APBB2: variants seen among roughly 807,000 people sequenced by gnomAD.
APBB2 encodes the protein Fe65-like 1.
In APBB2, 38 loss-of-function variants were observed where a neutral mutation model predicts 82.5. The observed-to-expected ratio is 0.46, with a 90% CI of 0.36 to 0.60. APBB2 has a LOEUF of 0.60. Among genes scored for constraint, APBB2 ranks in the 20% least tolerant of loss-of-function variants. APBB2 has a pLI of 0.00. For synonymous variants in APBB2, 341 were observed against 368.2 expected (o/e 0.93, Z 0.85); for missense variants, 772 against 972.3 (o/e 0.79, Z 2.74).
chr4:40,910,120 A>G (rs1357422980), intron 10 of APBB2, among the ~76,000 whole-genome samples: 1 of 95,320 alleles, frequency 1.0e-5, no homozygotes, highest in African/African-American at 3.7e-5. Flanking sequence ...ATGCCTGGCT[A>G]ATTTTTTTTT....
At chr4:40,863,317 A>G (rs1210600386) in intron 12 of APBB2, among the ~76,000 whole-genome samples, 2 of 152,248 alleles carry the variant, frequency 1.3e-5, no homozygotes, top group African/African-American at 4.8e-5. Flanking sequence ...TCAACAGAGC[A>G]GGCGGGATGT....
intron 12 of APBB2, among the ~76,000 whole-genome samples, chr4:40,851,745 T>A (rs1412605301): frequency 0.032 from 2,406 of 74,142 alleles, 45 homozygotes; most frequent in African/African-American, 0.073. Flanking sequence ...TATATTTTTT[T>A]TTTTTTTTTT....
rs558749897 is a variant in APBB2 at position 41,211,119 on chromosome 4, G to A, written c.-417+3286C>T. On this transcript the variant is annotated intron_variant, in intron 1 of 17. Coordinates refer to ENST00000508593, the MANE Select transcript of APBB2 (RefSeq NM_004307.2). ...AAATTACAAAAATTAGCCAGGCGTG[G>A]TGGCGGGCACCTGGAATCCCAGCTA... Among the ~76,000 whole-genome samples the A allele has an allele frequency of 1.6e-4, 24 of 152,204 alleles. No homozygotes were observed. The East Asian group carries it at 4.6e-3, about 29-fold the overall frequency.
chr4:41,101,470 CAAAAAAAAAA>C (rs150527764), intron 2 of APBB2, among the ~76,000 whole-genome samples: 18 of 72,522 alleles, frequency 2.5e-4, no homozygotes, highest in East Asian at 2.2e-3. Context: ...GACTCCGTCT[CAAAAAAAAAA>C]AAAAAAAAAA....
intron 1 of APBB2, among the ~76,000 whole-genome samples, chr4:41,155,363 A>T (rs183556351): frequency 1.3e-5 from 2 of 152,358 alleles, no homozygotes; most frequent in East Asian, 3.9e-4. Flanking sequence ...TAACACAGTG[A>T]CCACAGATAA....
chr4:41,186,201 A>G (rs181948161), intron 1 of APBB2, among the ~76,000 whole-genome samples: 254 of 152,382 alleles, frequency 1.7e-3, no homozygotes, highest in Non-Finnish European at 2.9e-3. Context: ...GCAATAAGAT[A>G]ACATTAATTA....
chr4:41,203,876 TCACATCC>T (rs1285129713), intron 1 of APBB2, among the ~76,000 whole-genome samples: 2 of 152,244 alleles, frequency 1.3e-5, no homozygotes, highest in African/African-American at 2.4e-5. Context: ...GGATGTCTCC[TCACATCC>T]CTGACAACTG....
intron 3 of APBB2, among the ~76,000 whole-genome samples, chr4:41,096,774 G>C (rs1743605507): frequency 6.6e-6 from 1 of 152,178 alleles, no homozygotes; most frequent in South Asian, 2.1e-4. Flanking sequence ...TGTAGTCATT[G>C]AACATCTTGT....
chr4:40,827,764 AGT>A lies in APBB2; in HGVS notation c.1645-547_1645-546del, dbSNP rs1396015822. Among the ~76,000 whole-genome samples, 3 of 152,228 alleles carry A rather than the reference AGT, an allele frequency of 2.0e-5. No individual in the cohort carries two copies. In the East Asian group the frequency reaches 5.8e-4, roughly 29 times the overall value. ...GGTAGTTCTGAGGATCACATGAGTG[AGT>A]GTGTCACGCATAGGGAAGGCCTAGA... On this transcript the variant is annotated intron_variant, in intron 13 of 17. Coordinates refer to ENST00000508593, the MANE Select transcript of APBB2 (RefSeq NM_004307.2).
At chr4:40,934,591 G>C (rs771776268) in intron 9 of APBB2, 23 bp downstream of exon 9, 133 of 1,611,234 alleles carry the variant, frequency 8.3e-5, no homozygotes, top group Non-Finnish European at 1.1e-4. Flanking sequence ...ATTGACAGCA[G>C]GTCGATCCTA....
At chr4:41,161,846 A>ATT (rs1169946462) in intron 1 of APBB2, among the ~76,000 whole-genome samples, 1 of 152,058 alleles carries the variant, frequency 6.6e-6, no homozygotes, top group African/African-American at 2.4e-5. Context: ...CCTATCCCTT[A>ATT]TTTTTTTTCC....
intron 6 of APBB2, among the ~76,000 whole-genome samples, chr4:40,957,778 T>A (rs768446832): frequency 5.9e-5 from 9 of 152,130 alleles, no homozygotes; most frequent in South Asian, 4.2e-4. Flanking sequence ...GAGATGGGGT[T>A]TCGCCACGTT....
intron 12 of APBB2, among the ~76,000 whole-genome samples, chr4:40,850,872 G>C (rs1404995135): frequency 4.6e-5 from 7 of 152,138 alleles, no homozygotes; most frequent in Admixed American, 4.6e-4. Flanking sequence ...TTGAGCCCAG[G>C]AGGTCAAGGC....
chr4:41,149,855 T>A (rs1429726536), intron 1 of APBB2, among the ~76,000 whole-genome samples: 1 of 152,150 alleles, frequency 6.6e-6, no homozygotes, highest in Non-Finnish European at 1.5e-5. Context: ...TAAAGAGCAA[T>A]TCCCCTGCAC....
At chr4:41,165,872 C>CTTTT (rs148637668) in intron 1 of APBB2, among the ~76,000 whole-genome samples, 8 of 116,506 alleles carry the variant, frequency 6.9e-5, no homozygotes, top group African/African-American at 4.8e-5. Flanking sequence ...GTCAGGCCCC[C>CTTTT]TTTTTTTTTT....
In APBB2 at chr4:40,945,060, A is replaced by G; in HGVS notation, c.849T>C (p.Ser283=). The stretch of plus-strand genomic sequence containing the variant: ...CTGGATCAGTCTGAAATGAGTGATC[A>G]CTCCATATATCTGCTGAAAAATTGG... ...SSPDETADIW[S]DHSFQTDPDL... Residue 283 remains serine (S), a synonymous_variant, in exon 7 of 18, where the codon AGT becomes AGC. Coordinates refer to ENST00000508593, the MANE Select transcript of APBB2 (RefSeq NM_004307.2). The G allele has an allele frequency of 1.4e-6, 2 of 1,427,812 alleles. No homozygotes were observed. The highest frequency in any genetic ancestry group is 1.9e-6 in the Non-Finnish European group (2 of 1,068,516). 88.4% of individuals were successfully genotyped at this position (1,427,812 alleles called of 1,614,324 possible).
intron 5 of APBB2, among the ~76,000 whole-genome samples, chr4:41,016,488 CCT>C (rs1219143069): frequency 6.6e-6 from 1 of 151,978 alleles, no homozygotes; most frequent in Non-Finnish European, 1.5e-5. Context: ...ATGGAGAAAC[CCT>C]GTCTCTACTA....
At chr4:41,153,749 T>G (rs1470271993) in intron 1 of APBB2, among the ~76,000 whole-genome samples, 1 of 152,204 alleles carries the variant, frequency 6.6e-6, no homozygotes, top group Non-Finnish European at 1.5e-5. Context: ...GAACTGGCAC[T>G]CCGGCTGTCA....
chr4:41,159,944 A>AG (rs1560912788), intron 1 of APBB2, among the ~76,000 whole-genome samples: 933 of 37,098 alleles, frequency 0.025, 156 homozygotes, highest in East Asian at 0.16. Context: ...GAGGAGGAGG[A>AG]GAAGGAGAAG....
Sources: allele counts gnomAD v4.1 joint callset (sites outside exome capture counted in the v4.1 genomes callset), GRCh38; gene constraint gnomAD v4.1.1; transcripts MANE v1.5; gene names NCBI Gene and HGNC (gene_info 2026-07-23, HGNC 2026-07-21).